EFCAB7: variants seen among roughly 807,000 people sequenced by gnomAD.
EFCAB7 encodes the protein EF-hand calcium-binding domain-containing protein 7.
EFCAB7 carries 66 observed loss-of-function variants against 77.1 expected under a neutral mutation model. The observed-to-expected ratio is 0.86, with a 90% CI of 0.70 to 1.05. The LOEUF is 1.05. EFCAB7 is among the 50% of genes least tolerant of loss of function. The pLI, the probability that EFCAB7 is intolerant of heterozygous loss-of-function variation, is 0.00. For synonymous variants in EFCAB7, 225 were observed against 243.3 expected (o/e 0.92, Z 0.70); for missense variants, 638 against 730.5 (o/e 0.87, Z 1.46).
intron 13 of EFCAB7, among the ~76,000 whole-genome samples, chr1:63,571,866 G>C (rs1647273790): frequency 6.6e-6 from 1 of 151,958 alleles, no homozygotes; most frequent in Admixed American, 6.6e-5. Context: ...ATTTTCTAAA[G>C]TATCCTGAGA....
chr1:63,553,428 C>A (rs1481699907), intron 8 of EFCAB7, among the ~76,000 whole-genome samples: 4 of 152,192 alleles, frequency 2.6e-5, no homozygotes, highest in Non-Finnish European at 4.4e-5. Flanking sequence ...CAACCTCCGC[C>A]TCCCGGGTTC....
chr1:63,578,054 G>A, the EFCAB7 span, among the ~76,000 whole-genome samples: 1 of 152,182 alleles, frequency 6.6e-6, no homozygotes, highest in East Asian at 1.9e-4. Context: ...ACACTAAAAT[G>A]TTAGATTAAG....
intron 8 of EFCAB7, among the ~76,000 whole-genome samples, chr1:63,553,835 T>C (rs1646995301): frequency 6.6e-6 from 1 of 152,034 alleles, no homozygotes; most frequent in Non-Finnish European, 1.5e-5. Flanking sequence ...TTGGTTTTTG[T>C]TTGTCTGTTT....
chr1:63,575,178 C>A (rs562588308), downstream of EFCAB7, among the ~76,000 whole-genome samples: 1 of 151,956 alleles, frequency 6.6e-6, no homozygotes, highest in African/African-American at 2.4e-5. Flanking sequence ...TTTTATAGTT[C>A]TAATATTTTA....
At chr1:63,575,831 G>A (rs1014416193), downstream of EFCAB7, among the ~76,000 whole-genome samples, 1 of 151,898 alleles carries the variant, frequency 6.6e-6, no homozygotes, top group Admixed American at 6.6e-5. Context: ...CAAGCGATTT[G>A]GTGCCTTGGC....
chr1:63,577,488 C>T (rs564976565), downstream of EFCAB7, among the ~76,000 whole-genome samples: 67 of 151,902 alleles, frequency 4.4e-4, no homozygotes, highest in Non-Finnish European at 8.8e-4. Flanking sequence ...ATATAGTATG[C>T]GGAATTACTA....
At chr1:63,535,467 A>T (rs77010442) in intron 6 of EFCAB7, among the ~76,000 whole-genome samples, 6,586 of 152,156 alleles carry the variant, frequency 0.043, 190 homozygotes, top group Middle Eastern at 0.078. Flanking sequence ...TTATTGAATG[A>T]CTACTGTGTG....
downstream of EFCAB7, among the ~76,000 whole-genome samples, chr1:63,575,819 G>A (rs1375751714): frequency 6.6e-6 from 1 of 151,984 alleles, no homozygotes; most frequent in Admixed American, 6.6e-5. Flanking sequence ...AATTCCTGGG[G>A]TCAAGCGATT....
chr1:63,584,485 G>A, the EFCAB7 span, among the ~76,000 whole-genome samples: 218 of 152,288 alleles, frequency 1.4e-3, no homozygotes, highest in Non-Finnish European at 2.6e-3. Context: ...CCAGGAGTTC[G>A]AGGCTGCAGT....
chr1:63,557,298 C>T, intron 10 of EFCAB7, 51 bp downstream of exon 10: 1 of 1,496,344 alleles, frequency 6.7e-7, no homozygotes, highest in Non-Finnish European at 8.9e-7. Flanking sequence ...ATATATAGCA[C>T]CTTTTCATCT....
chr1:63,537,678 T>A (rs1646779224), intron 6 of EFCAB7, among the ~76,000 whole-genome samples: 1 of 152,234 alleles, frequency 6.6e-6, no homozygotes, highest in Non-Finnish European at 1.5e-5. Flanking sequence ...TTTTATTTTT[T>A]AAGTATGTAT....
chr1:63,524,701 T>C (rs1014688793), intron 1 of EFCAB7, among the ~76,000 whole-genome samples: 5 of 152,204 alleles, frequency 3.3e-5, no homozygotes, highest in African/African-American at 1.2e-4. Context: ...TTCAGTACTA[T>C]ATCCACATTA....
intron 6 of EFCAB7, among the ~76,000 whole-genome samples, chr1:63,541,219 T>C (rs1470820409): frequency 6.6e-6 from 1 of 152,182 alleles, no homozygotes; most frequent in East Asian, 1.9e-4. Context: ...TGGAATACCA[T>C]AATGAATGCT....
At chr1:63,577,744 G>A in the EFCAB7 span, among the ~76,000 whole-genome samples, 1 of 152,250 alleles carries the variant, frequency 6.6e-6, no homozygotes, top group African/African-American at 2.4e-5. Flanking sequence ...ATGTTAACCT[G>A]TTAGGGAATA....
At chr1:63,564,700 GA>G (rs998212144) in intron 11 of EFCAB7, among the ~76,000 whole-genome samples, 1 of 142,670 alleles carries the variant, frequency 7.0e-6, no homozygotes, top group African/African-American at 2.7e-5. Context: ...TACAGAACTA[GA>G]AAAAAAATTT....
At chr1:63,570,171 A>T (rs1410861242) in intron 12 of EFCAB7, 5 of 152,218 alleles carry the variant, frequency 3.3e-5, no homozygotes, top group Non-Finnish European at 7.4e-5. Context: ...TTACACAGCT[A>T]AGTAGTAGAA....
chr1:63,536,364 A>G lies in EFCAB7; in HGVS notation c.804+2148A>G, dbSNP rs570518998. ...CAGCAGCATTCAGTTCTTTGTTTAC[A>G]TTTTTCTTTTCTTTATTTATTTATG... On this transcript the variant is annotated intron_variant, in intron 6 of 13. Coordinates refer to ENST00000371088, the MANE Select transcript of EFCAB7 (RefSeq NM_032437.4). Among the ~76,000 whole-genome samples the G allele has an allele frequency of 1.6e-4, 25 of 151,820 alleles. No individual in the cohort carries two copies. In the South Asian group the frequency reaches 4.4e-3, roughly 27 times the overall value.
At chr1:63,561,988 G>C in intron 11 of EFCAB7, 131 bp downstream of exon 11, 1 of 501,782 alleles carries the variant, frequency 2.0e-6, no homozygotes, top group Non-Finnish European at 3.1e-6. Flanking sequence ...ATGAATCCTG[G>C]GTGCAACAAC....
downstream of EFCAB7, among the ~76,000 whole-genome samples, chr1:63,573,955 G>A (rs1172628137): frequency 4.6e-5 from 7 of 152,128 alleles, no homozygotes; most frequent in Non-Finnish European, 7.3e-5. Context: ...GTCAGTTATC[G>A]GATTGTATAG....
Sources: allele counts gnomAD v4.1 joint callset (sites outside exome capture counted in the v4.1 genomes callset), GRCh38; gene constraint gnomAD v4.1.1; transcripts MANE v1.5; gene names NCBI Gene and HGNC (gene_info 2026-07-23, HGNC 2026-07-21).